GRIN2B: variants seen among roughly 807,000 people sequenced by gnomAD.
GRIN2B encodes the protein glutamate ionotropic receptor NMDA type subunit 2B.
A neutral mutation model predicts 114.5 loss-of-function variants in GRIN2B; 5 were observed. The ratio of observed to expected loss-of-function variants is 0.04; its 90% CI spans 0.02 to 0.09. GRIN2B has a LOEUF of 0.09. Among genes scored for constraint, GRIN2B ranks in the 10% least tolerant of loss-of-function variants. GRIN2B has a pLI of 1.00. For missense variants in GRIN2B, 1,108 were observed against 1,943.5 expected (o/e 0.57, Z 8.08); for synonymous variants, 787 against 745.1 (o/e 1.06, Z -0.92).
At chr12:13,926,643 T>C (rs748442285) in intron 2 of GRIN2B, among the ~76,000 whole-genome samples, 1 of 152,226 alleles carries the variant, frequency 6.6e-6, no homozygotes, top group Non-Finnish European at 1.5e-5. Context: ...TGCCTGGCTC[T>C]GCCTGCATTT....
At chr12:13,953,901 G>A (rs1867541017) in intron 2 of GRIN2B, among the ~76,000 whole-genome samples, 1 of 152,154 alleles carries the variant, frequency 6.6e-6, no homozygotes, top group African/African-American at 2.4e-5. Flanking sequence ...TACCTAGTAT[G>A]GGCTGTTTTC....
intron 10 of GRIN2B, among the ~76,000 whole-genome samples, chr12:13,581,947 T>A (rs922179687): frequency 6.7e-6 from 1 of 149,166 alleles, no homozygotes; most frequent in African/African-American, 2.5e-5. Context: ...TGATAAAACG[T>A]AAGTAAACAC....
chr12:13,973,262 A>G (rs937676946), intron 2 of GRIN2B, among the ~76,000 whole-genome samples: 2 of 152,174 alleles, frequency 1.3e-5, no homozygotes, highest in African/African-American at 4.8e-5. Flanking sequence ...GTGGGTCTAT[A>G]TAAAGATTAA....
chr12:13,980,901 C>T (rs919993885), intron 1 of GRIN2B, among the ~76,000 whole-genome samples: 4 of 152,128 alleles, frequency 2.6e-5, no homozygotes, highest in African/African-American at 9.7e-5. Context: ...CTGACGCGCG[C>T]ACACACGCCC....
intron 2 of GRIN2B, among the ~76,000 whole-genome samples, chr12:13,973,593 C>A (rs1862968065): frequency 1.3e-5 from 2 of 152,174 alleles, no homozygotes; most frequent in African/African-American, 2.4e-5. Flanking sequence ...CTGGGCACAG[C>A]CTCATCACTG....
chr12:13,650,547 C>T (rs770106149), intron 5 of GRIN2B, among the ~76,000 whole-genome samples: 2 of 152,042 alleles, frequency 1.3e-5, no homozygotes, highest in East Asian at 3.9e-4. Context: ...GACCAGCCAC[C>T]CTTTCTTTCT....
chr12:13,581,971 T>A (rs1948859400), intron 10 of GRIN2B, among the ~76,000 whole-genome samples: 1 of 151,362 alleles, frequency 6.6e-6, no homozygotes, highest in Non-Finnish European at 1.5e-5. Context: ...GGTTATGGGC[T>A]CAAAGATCTA....
At chr12:13,643,588 C>A (rs919342055) in intron 5 of GRIN2B, among the ~76,000 whole-genome samples, 23 of 152,034 alleles carry the variant, frequency 1.5e-4, no homozygotes, top group Admixed American at 2.6e-4. Context: ...TTTGCCACAA[C>A]AATTGACTCT....
chr12:13,566,974 T>G (rs376487106), intron 13 of GRIN2B, 51 bp downstream of exon 13: 2 of 1,263,808 alleles, frequency 1.6e-6, no homozygotes, highest in African/African-American at 1.5e-5. Context: ...TGCACAGTGC[T>G]AGGCTAAGCT....
chr12:13,648,602 C>T (rs961509777), intron 5 of GRIN2B, among the ~76,000 whole-genome samples: 2 of 152,042 alleles, frequency 1.3e-5, no homozygotes, highest in African/African-American at 4.8e-5. Context: ...TGATGAAAGA[C>T]CTTATTGCAG....
At chr12:13,937,701 GGTTAT>G (rs1330203544) in intron 2 of GRIN2B, among the ~76,000 whole-genome samples, 5 of 151,952 alleles carry the variant, frequency 3.3e-5, no homozygotes, top group African/African-American at 1.2e-4. Context: ...AAATATAAAA[GGTTAT>G]GTTATCATTC....
chr12:13,866,561 G>A (rs1865832326), intron 2 of GRIN2B, among the ~76,000 whole-genome samples: 1 of 152,200 alleles, frequency 6.6e-6, no homozygotes, highest in African/African-American at 2.4e-5. Context: ...TGGCCCTCCT[G>A]TTACAGCCCA....
At chr12:13,766,608 A>G (rs1012352868) in intron 3 of GRIN2B, among the ~76,000 whole-genome samples, 1 of 152,194 alleles carries the variant, frequency 6.6e-6, no homozygotes, top group African/African-American at 2.4e-5. Flanking sequence ...AATTATACAT[A>G]TCTTTTTCCA....
At chr12:13,654,882 T>C (rs546774226) in intron 5 of GRIN2B, among the ~76,000 whole-genome samples, 1 of 152,196 alleles carries the variant, frequency 6.6e-6, no homozygotes, top group African/African-American at 2.4e-5. Flanking sequence ...GTGAGGATAA[T>C]ATTCTGTCTC....
chr12:13,876,284 C>G (rs1184774852), intron 2 of GRIN2B, among the ~76,000 whole-genome samples: 1 of 152,134 alleles, frequency 6.6e-6, no homozygotes, highest in Non-Finnish European at 1.5e-5. Context: ...TTATCCTCAC[C>G]TTACAGAGTT....
chr12:13,806,888 G>A (rs1030167701), intron 3 of GRIN2B, among the ~76,000 whole-genome samples: 1 of 151,458 alleles, frequency 6.6e-6, no homozygotes, highest in Non-Finnish European at 1.5e-5. Context: ...CATTTGATTT[G>A]ATTTTTATAT....
At chr12:13,804,307 C>A (rs1864565589) in intron 3 of GRIN2B, among the ~76,000 whole-genome samples, 1 of 151,770 alleles carries the variant, frequency 6.6e-6, no homozygotes, top group Non-Finnish European at 1.5e-5. Flanking sequence ...CTTCTCACTT[C>A]CCAGGGAGAT....
rs1948459684 is a variant in GRIN2B at position 13,554,875 on chromosome 12, C to T, written c.*7908G>A. On this transcript the variant is annotated 3_prime_UTR_variant, in exon 14 of 14. Coordinates refer to ENST00000609686, the MANE Select transcript of GRIN2B (RefSeq NM_000834.5). ...TTCGGTGACGGAAGACATGGTGATA[C>T]CATTAAGCAAAAGGAGGAAGTTGGT... 1 of 152,012 alleles carries T rather than the reference C, an allele frequency of 6.6e-6. No individual in the cohort carries two copies. Among genetic ancestry groups the T allele is most frequent in the Admixed American group, 6.6e-5 (1 of 15,250 alleles). 9.4% of individuals were successfully genotyped at this position (152,012 alleles called of 1,614,324 possible).
At chr12:13,976,200 A>G (rs568751835) in intron 2 of GRIN2B, among the ~76,000 whole-genome samples, 2 of 152,164 alleles carry the variant, frequency 1.3e-5, no homozygotes, top group Non-Finnish European at 2.9e-5. Flanking sequence ...TCAACCACTA[A>G]TCTACTCTCC....
Sources: allele counts gnomAD v4.1 joint callset (sites outside exome capture counted in the v4.1 genomes callset), GRCh38; gene constraint gnomAD v4.1.1; transcripts MANE v1.5; gene names NCBI Gene and HGNC (gene_info 2026-07-23, HGNC 2026-07-21).